Variants in SLC47A2 observed in about 807,000 individuals in gnomAD.
SLC47A2 encodes the protein solute carrier family 47 member 2, also known as multidrug and toxin extrusion protein 2.
Under a neutral mutation model 67.7 loss-of-function variants are expected in SLC47A2, and 52 were observed. The observed-to-expected ratio is 0.77, with a 90% CI of 0.61 to 0.97. The LOEUF is 0.97. Among genes scored for constraint, SLC47A2 ranks in the 50% least tolerant of loss-of-function variants. SLC47A2 has a pLI of 0.00. For synonymous variants in SLC47A2, 278 were observed against 292.9 expected, an observed-to-expected ratio of 0.95 and a Z score of 0.52; for missense variants, 676 against 712.3, an observed-to-expected ratio of 0.95 and a Z score of 0.58.
chr17:19,708,045 C>A (rs2085992313), intron 7 of SLC47A2, among the ~76,000 whole-genome samples: 1 of 152,212 alleles, frequency 6.6e-6, no homozygotes, highest in Non-Finnish European at 1.5e-5. Context: ...ACTACAGTGT[C>A]CTGGGGGCCA....
intron 13 of SLC47A2, among the ~76,000 whole-genome samples, chr17:19,696,268 T>G (rs2085660014): frequency 7.1e-6 from 1 of 140,110 alleles, no homozygotes; most frequent in African/African-American, 2.7e-5. Context: ...CTGGCCAACA[T>G]GGTGAAACCC....
At chr17:19,680,075 A>C in intron 15 of SLC47A2, 36 bp from the exon 16 acceptor site, 2 of 1,601,318 alleles carry the variant, frequency 1.2e-6, no homozygotes, top group Non-Finnish European at 1.7e-6. Flanking sequence ...TCAACCTGCC[A>C]GCTCAACAGT....
chr17:19,698,684 T>TA (rs982877853), intron 13 of SLC47A2, among the ~76,000 whole-genome samples: 3 of 152,032 alleles, frequency 2.0e-5, no homozygotes, highest in South Asian at 4.1e-4. Flanking sequence ...CAGGGTTGAT[T>TA]AAAAAAAATT....
chr17:19,687,772 C>T (rs2085458269), intron 13 of SLC47A2, among the ~76,000 whole-genome samples: 1 of 152,102 alleles, frequency 6.6e-6, no homozygotes, highest in Non-Finnish European at 1.5e-5. Context: ...CACATACAAC[C>T]TACCAAAATG....
intron 13 of SLC47A2, among the ~76,000 whole-genome samples, chr17:19,684,581 CCAGGCATGGTGGCTCA>C (rs2085380347): frequency 6.6e-6 from 1 of 151,684 alleles, no homozygotes; most frequent in Non-Finnish European, 1.5e-5. Flanking sequence ...TTAGTGTGGG[CCAGGCATGGTGGCTCA>C]CACCTGTAAT....
chr17:19,688,511 G>T lies in SLC47A2; in HGVS notation c.1165-6841C>A, dbSNP rs1406543317. Reference sequence around the variant, plus strand: ...AATAGTACTGGAAGTCCTAGCTAGAGCAGACAAGAGAAAGAAAGTGCATCC... The same window carrying T: ...AATAGTACTGGAAGTCCTAGCTAGATCAGACAAGAGAAAGAAAGTGCATCC... On this transcript the variant is annotated intron_variant, in intron 13 of 16. Coordinates refer to ENST00000433844, the MANE Select transcript of SLC47A2 (RefSeq NM_001099646.3). Among the ~76,000 whole-genome samples, 10 of 152,286 alleles carry T rather than the reference G, an allele frequency of 6.6e-5. No homozygotes were observed. The South Asian group carries it at 1.9e-3, about 28-fold the overall frequency.
At chr17:19,679,266 G>T (rs1230170088) in intron 16 of SLC47A2, among the ~76,000 whole-genome samples, 1 of 152,156 alleles carries the variant, frequency 6.6e-6, no homozygotes, top group Non-Finnish European at 1.5e-5. Context: ...TACGCTCCCA[G>T]AGTTTTAGCT....
At chr17:19,707,705 G>T in intron 8 of SLC47A2, 41 bp downstream of exon 8, 3 of 1,531,858 alleles carry the variant, frequency 2.0e-6, no homozygotes, top group Non-Finnish European at 2.7e-6. Context: ...CAGCACCACC[G>T]CTGGCCTGCT....
intron 5 of SLC47A2, among the ~76,000 whole-genome samples, chr17:19,712,173 G>A (rs2086118210): frequency 6.6e-6 from 1 of 152,122 alleles, no homozygotes; most frequent in Admixed American, 6.6e-5. Flanking sequence ...ATCACTTGAG[G>A]TCAGGAGTTC....
intron 10 of SLC47A2, chr17:19,704,822 CT>C (rs6146013): frequency 0.13 from 36,468 of 271,950 alleles, 192 homozygotes; most frequent in Middle Eastern, 0.18. Flanking sequence ...ATGGAATGTG[CT>C]TTTTTTTTTT....
intron 13 of SLC47A2, among the ~76,000 whole-genome samples, chr17:19,688,231 T>C (rs931309137): frequency 3.3e-5 from 5 of 152,164 alleles, no homozygotes; most frequent in African/African-American, 9.7e-5. Context: ...ATCAGTATGA[T>C]ACATCATATC....
intron 4 of SLC47A2, among the ~76,000 whole-genome samples, chr17:19,713,144 C>A (rs2086147116): frequency 6.6e-6 from 1 of 152,066 alleles, no homozygotes; most frequent in African/African-American, 2.4e-5. Context: ...AATCCCAGCA[C>A]TTTGGGAGGC....
chr17:19,686,314 A>G (rs185336356), intron 13 of SLC47A2, among the ~76,000 whole-genome samples: 179 of 152,274 alleles, frequency 1.2e-3, no homozygotes, highest in Non-Finnish European at 1.9e-3. Flanking sequence ...TCAAAAACCT[A>G]CAAAAGATAC....
chr17:19,704,846 G>A (rs566588757), intron 10 of SLC47A2, among the ~76,000 whole-genome samples: 1 of 122,228 alleles, frequency 8.2e-6, no homozygotes, highest in South Asian at 2.9e-4. Context: ...TTTTTTTTGA[G>A]ACAGAGTCTT....
At chr17:19,701,911 C>T (rs2085795134) in intron 13 of SLC47A2, among the ~76,000 whole-genome samples, 1 of 151,994 alleles carries the variant, frequency 6.6e-6, no homozygotes, top group African/African-American at 2.4e-5. Flanking sequence ...GAGGATTCCA[C>T]CTATCATAGT....
chr17:19,708,446 T>A (rs985363516), intron 6 of SLC47A2, 47 bp from the exon 7 acceptor site: 2 of 1,613,988 alleles, frequency 1.2e-6, no homozygotes, highest in Non-Finnish European at 1.7e-6. Flanking sequence ...GTGAGATGGA[T>A]GGAGGATGGA....
chr17:19,702,343 G>A (rs1567626421), intron 13 of SLC47A2: 1 of 985,150 alleles, frequency 1.0e-6, no homozygotes, highest in Non-Finnish European at 1.2e-6. Context: ...AAAGATTTGT[G>A]GCTTTACACT....
chr17:19,697,969 A>G (rs2085702461), intron 13 of SLC47A2, among the ~76,000 whole-genome samples: 1 of 152,160 alleles, frequency 6.6e-6, no homozygotes, highest in Non-Finnish European at 1.5e-5. Context: ...AATGATAAAC[A>G]CACAAAAAGG....
At chr17:19,682,992 G>A (rs2085348648) in intron 13 of SLC47A2, among the ~76,000 whole-genome samples, 1 of 152,214 alleles carries the variant, frequency 6.6e-6, no homozygotes, top group African/African-American at 2.4e-5. Flanking sequence ...GTTCCTGTGA[G>A]AGGTGGGGAG....
Sources: gnomAD v4.1 joint callset for allele counts (sites outside exome capture counted in the v4.1 genomes callset) on GRCh38, gnomAD v4.1.1 for gene constraint, MANE v1.5 for transcripts, NCBI Gene and HGNC (gene_info 2026-07-23, HGNC 2026-07-21) for gene names.